Variants in ELOVL6 observed in about 807,000 individuals in gnomAD.
ELOVL6 encodes ELOVL fatty acid elongase 6, also known as very long chain fatty acid elongase 6.
ELOVL6 carries 8 observed loss-of-function variants against 31.7 expected under a neutral mutation model. That is an observed-to-expected ratio of 0.25 (90% CI 0.15 to 0.45). The LOEUF is 0.45. Among genes scored for constraint, ELOVL6 ranks in the 20% least tolerant of loss-of-function variants. ELOVL6 has a pLI of 1.00. For missense variants in ELOVL6, 126 were observed against 326.4 expected, an observed-to-expected ratio of 0.39 and a Z score of 4.73; for synonymous variants, 101 against 117.7, an observed-to-expected ratio of 0.86 and a Z score of 0.92.
chr4:110,118,693 A>G (rs1009422014), intron 1 of ELOVL6, among the ~76,000 whole-genome samples: 1 of 152,196 alleles, frequency 6.6e-6, no homozygotes, highest in Non-Finnish European at 1.5e-5. Flanking sequence ...GAATAATGCT[A>G]CAATGAACAT....
intron 1 of ELOVL6, among the ~76,000 whole-genome samples, chr4:110,170,035 G>A (rs1479782467): frequency 6.6e-6 from 1 of 150,604 alleles, no homozygotes; most frequent in Non-Finnish European, 1.5e-5. Context: ...GACTGGCCTC[G>A]AACGCCTAAC....
At chr4:110,113,794 G>T (rs1446888858) in intron 1 of ELOVL6, among the ~76,000 whole-genome samples, 1 of 152,152 alleles carries the variant, frequency 6.6e-6, no homozygotes, top group Non-Finnish European at 1.5e-5. Context: ...AGTAATTTCT[G>T]AATAAGAGAG....
rs185875423 is a variant in ELOVL6, at chr4:110,150,791, C to T, written c.90-45163G>A. On this transcript the variant is annotated intron_variant, in intron 1 of 3. Transcript: ENST00000302274. Reference sequence around the variant, plus strand: ...GGCACGGTGGCTCAGGCCTGTAGTCCCAGCACTTTGGGAAGCCGAGGTGGA... The same window carrying T: ...GGCACGGTGGCTCAGGCCTGTAGTCTCAGCACTTTGGGAAGCCGAGGTGGA... Among the ~76,000 whole-genome samples the T allele has an allele frequency of 1.2e-3, 177 of 152,134 alleles. 2 individuals are homozygous for T. Among genetic ancestry groups the T allele is most frequent in the Middle Eastern group, 3.4e-3 (1 of 294 alleles).
At chr4:110,110,939 C>CT (rs1243786853) in intron 1 of ELOVL6, among the ~76,000 whole-genome samples, 1 of 152,148 alleles carries the variant, frequency 6.6e-6, no homozygotes, top group Non-Finnish European at 1.5e-5. Flanking sequence ...TACCTTTTTG[C>CT]TTCCCCCTCC....
chr4:110,106,030 C>T (rs916450034), intron 1 of ELOVL6, among the ~76,000 whole-genome samples: 1 of 152,124 alleles, frequency 6.6e-6, no homozygotes, highest in Non-Finnish European at 1.5e-5. Context: ...TATTTGGTGA[C>T]AAGGTTGTGT....
chr4:110,136,537 C>G lies in ELOVL6; in HGVS notation c.90-30909G>C, dbSNP rs1340349965. 2.0e-5 allele frequency among the ~76,000 whole-genome samples: 3 copies of G among 152,266 alleles called. No individual in the cohort carries two copies. The East Asian group carries it at 5.8e-4, about 29-fold the overall frequency. ...TCAGCACTTCCTTACAAACTAACAA[C>G]TTGAGATGTAGTGTTCCCATTGGCT... On this transcript the variant is annotated intron_variant, in intron 1 of 3. Transcript: ENST00000302274.
intron 2 of ELOVL6, among the ~76,000 whole-genome samples, chr4:110,079,834 C>A (rs966136483): frequency 1.3e-5 from 2 of 151,720 alleles, no homozygotes; most frequent in Admixed American, 6.6e-5. Flanking sequence ...CAAAATTGAC[C>A]GACCACTAGC....
At chr4:110,191,469 G>A (rs753991218) in intron 1 of ELOVL6, among the ~76,000 whole-genome samples, 1 of 152,170 alleles carries the variant, frequency 6.6e-6, no homozygotes, top group Non-Finnish European at 1.5e-5. Context: ...AGGGAGGGCT[G>A]AGGCAAACTT....
chr4:110,180,641 A>G (rs1759244169), intron 1 of ELOVL6, among the ~76,000 whole-genome samples: 1 of 152,220 alleles, frequency 6.6e-6, no homozygotes, highest in Admixed American at 6.5e-5. Flanking sequence ...GGAATCAAGC[A>G]ATTCTCCTGG....
rs571647607 is a variant in ELOVL6, at chr4:110,050,934, C to T, written c.*404G>A. 5 of 197,834 alleles carry T rather than the reference C, an allele frequency of 2.5e-5. No individual in the cohort carries two copies. Among genetic ancestry groups the T allele is most frequent in the South Asian group, 2.0e-4 (2 of 10,102 alleles). The allele number at this position is 197,834 out of a possible 1,614,324, so 12.3% of individuals were successfully genotyped here. ...TAGAAAGGATTGTGTGTGTTGTGCT[C>T]GCACAGTTTCTAGAGTAAAAATCTT... On this transcript the variant is annotated 3_prime_UTR_variant, in exon 4 of 4. Coordinates refer to ENST00000302274, the MANE Select transcript of ELOVL6 (RefSeq NM_024090.3).
In ELOVL6 at chr4:110,047,098, A is replaced by G. The variant is rs1754713597; in HGVS notation, c.*4240T>C. 1 of 152,230 alleles carries G rather than the reference A, an allele frequency of 6.6e-6. No individual in the cohort carries two copies. 9.4% of individuals were successfully genotyped at this position (152,230 alleles called of 1,614,324 possible). ...TATCGAAAACAGAGACTGGAGAAAG[A>G]CACTACATTTGACTACTGGGACATT... On this transcript the variant is annotated 3_prime_UTR_variant, in exon 4 of 4. Transcript: ENST00000302274.
chr4:110,167,377 T>A lies in ELOVL6; in HGVS notation c.89+30870A>T, dbSNP rs1436577241. On this transcript the variant is annotated intron_variant, in intron 1 of 3. Transcript: ENST00000302274. ...TGTTTACAAATTGGCCTTGTTATTA[T>A]ACATGCTGTTTCATAAGCAGAGTTT... Among the ~76,000 whole-genome samples the A allele has an allele frequency of 2.6e-5, 4 of 152,346 alleles. No homozygotes were observed. In the South Asian group the frequency reaches 8.3e-4, roughly 32 times the overall value.
chr4:110,179,735 C>A (rs62326612), intron 1 of ELOVL6, among the ~76,000 whole-genome samples: 6,635 of 152,114 alleles, frequency 0.044, 202 homozygotes, highest in South Asian at 0.12. Context: ...ACAAGACATA[C>A]GGAGCTGTTA....
intron 1 of ELOVL6, among the ~76,000 whole-genome samples, chr4:110,125,822 A>G (rs1757475042): frequency 7.1e-6 from 1 of 140,434 alleles, no homozygotes. Context: ...GCGAGACTCC[A>G]TCTCAAAAAA....
intron 3 of ELOVL6, among the ~76,000 whole-genome samples, chr4:110,057,059 G>T (rs1755006800): frequency 6.6e-6 from 1 of 152,114 alleles, no homozygotes; most frequent in Admixed American, 6.5e-5. Context: ...TGTCTTTAAA[G>T]GAAATTAATC....
At chr4:110,144,151 T>C (rs920413226) in intron 1 of ELOVL6, among the ~76,000 whole-genome samples, 3 of 151,462 alleles carry the variant, frequency 2.0e-5, no homozygotes, top group Admixed American at 6.6e-5. Flanking sequence ...AAATCTGTCA[T>C]ACAGGGGCAT....
rs147995266 is a variant in ELOVL6 at position 110,164,505 on chromosome 4, C to A, written c.89+33742G>T. On this transcript the variant is annotated intron_variant, in intron 1 of 3. Coordinates refer to ENST00000302274, the MANE Select transcript of ELOVL6 (RefSeq NM_024090.3). Reference sequence around the variant, plus strand: ...GCACAGCCGGGTGAGGTGGCTCATGCCTGTAATCCCAGCACTTTGGGAAGC... The same window carrying A: ...GCACAGCCGGGTGAGGTGGCTCATGACTGTAATCCCAGCACTTTGGGAAGC... Among the ~76,000 whole-genome samples the A allele has an allele frequency of 1.2e-3, 176 of 152,210 alleles. 1 individual carries two copies. Among genetic ancestry groups the A allele is most frequent in the African/African-American group, 4.0e-3 (165 of 41,542 alleles).
intron 1 of ELOVL6, among the ~76,000 whole-genome samples, chr4:110,158,343 TAACTA>T: frequency 6.6e-6 from 1 of 152,172 alleles, no homozygotes; most frequent in South Asian, 2.1e-4. Context: ...CAAACATTTT[TAACTA>T]AACATCATGT....
chr4:110,071,960 G>T (rs1479248925), intron 2 of ELOVL6, among the ~76,000 whole-genome samples: 1 of 152,208 alleles, frequency 6.6e-6, no homozygotes, highest in East Asian at 1.9e-4. Flanking sequence ...AACGTGAGAA[G>T]GGCGGAGCCA....
Sources: allele counts gnomAD v4.1 joint callset (sites outside exome capture counted in the v4.1 genomes callset), GRCh38; gene constraint gnomAD v4.1.1; transcripts MANE v1.5; gene names NCBI Gene and HGNC (gene_info 2026-07-23, HGNC 2026-07-21).